The following BCAS3 variants were observed in gnomAD, a reference collection of about 807,000 sequenced individuals.
BCAS3 encodes the protein BCAS3 microtubule associated cell migration factor.
A neutral mutation model predicts 116.1 loss-of-function variants in BCAS3; 53 were observed. The ratio of observed to expected loss-of-function variants is 0.46; its 90% CI spans 0.37 to 0.57. BCAS3 has a LOEUF of 0.57. Among genes scored for constraint, BCAS3 ranks in the 20% least tolerant of loss-of-function variants. BCAS3 has a pLI of 0.00. For synonymous variants in BCAS3, 391 were observed against 408.2 expected, an observed-to-expected ratio of 0.96 and a Z score of 0.51; for missense variants, 917 against 1,165.4, an observed-to-expected ratio of 0.79 and a Z score of 3.10.
intron 10 of BCAS3, among the ~76,000 whole-genome samples, chr17:60,892,537 A>G (rs544924398): frequency 1.7e-4 from 26 of 151,998 alleles, no homozygotes; most frequent in African/African-American, 5.5e-4. Context: ...TTGAACTCCC[A>G]ATTTCAGGTC....
intron 5 of BCAS3, among the ~76,000 whole-genome samples, chr17:60,710,501 G>A (rs937251343): frequency 2.7e-5 from 4 of 147,786 alleles, no homozygotes; most frequent in South Asian, 2.1e-4. Context: ...GCGCAATCTC[G>A]GCTCACTGCA....
intron 7 of BCAS3, among the ~76,000 whole-genome samples, chr17:60,848,721 C>T (rs1300720030): frequency 6.7e-6 from 1 of 150,174 alleles, no homozygotes; most frequent in African/African-American, 2.5e-5. Context: ...TTTTTTAAGT[C>T]AGGGTCTTGC....
chr17:60,802,283 CAAA>C lies in BCAS3; in HGVS notation c.404-5710_404-5708del, dbSNP rs1174016996. Among the ~76,000 whole-genome samples, 485 of 107,914 alleles carry C rather than the reference CAAA, an allele frequency of 4.5e-3. 3 individuals are homozygous for C. The highest frequency in any genetic ancestry group is 0.017 in the African/African-American group (457 of 26,412). The allele number at this position is 107,914 out of a possible 152,430, so 70.8% of individuals were successfully genotyped here. A position where few individuals can be genotyped will look rare whatever the true frequency, so the allele number is the denominator to read the frequency against. The stretch of plus-strand genomic sequence containing the variant: ...TGTGCAACAGAGTGAGACTCTGTCT[CAAA>C]AAAAAAAAAATATATATATATATAT... On this transcript the variant is annotated intron_variant, in intron 6 of 23. Transcript: ENST00000407086.
intron 17 of BCAS3, among the ~76,000 whole-genome samples, chr17:61,036,762 G>A (rs2067066646): frequency 6.6e-6 from 1 of 152,124 alleles, no homozygotes; most frequent in South Asian, 2.1e-4. Context: ...TCCTTATAAA[G>A]TCAGTTGATT....
intron 13 of BCAS3, among the ~76,000 whole-genome samples, chr17:60,926,640 T>A (rs374834371): frequency 3.3e-5 from 5 of 152,160 alleles, no homozygotes; most frequent in East Asian, 1.9e-4. Flanking sequence ...CTTGTAGCAC[T>A]CCACTTGGAA....
At chr17:61,006,372 A>G (rs2145496636) in intron 15 of BCAS3, among the ~76,000 whole-genome samples, 1 of 152,224 alleles carries the variant, frequency 6.6e-6, no homozygotes, top group South Asian at 2.1e-4. Flanking sequence ...ATCTTCCTAC[A>G]AAGTGTTTAT....
Position 61,309,538 on chromosome 17 carries a change from C to G in BCAS3, c.2426-58789C>G, listed in dbSNP as rs980840007. On this transcript the variant is annotated intron_variant, in intron 22 of 23. Coordinates refer to ENST00000407086, the MANE Select transcript of BCAS3 (RefSeq NM_017679.5). The surrounding 1 kb of genome is among the most constrained non-coding windows in gnomAD (Gnocchi z 4.6). ...CCCTGCCTCACTTGCCCTCTACTTC[C>G]CAGCTTCACCATAGCTGGGAAGAAT... Among the ~76,000 whole-genome samples, 2 of 152,156 alleles carry G rather than the reference C, an allele frequency of 1.3e-5. No homozygotes were observed. The highest frequency in any genetic ancestry group is 4.8e-5 in the African/African-American group (2 of 41,442).
intron 22 of BCAS3, among the ~76,000 whole-genome samples, chr17:61,110,156 C>T (rs2074959840): frequency 6.6e-6 from 1 of 152,208 alleles, no homozygotes; most frequent in Non-Finnish European, 1.5e-5. Flanking sequence ...CAGTTTCATT[C>T]TTCTACATGT....
At chr17:60,704,187 A>C (rs984480059) in intron 4 of BCAS3, among the ~76,000 whole-genome samples, 3 of 152,174 alleles carry the variant, frequency 2.0e-5, no homozygotes, top group Admixed American at 2.0e-4. Flanking sequence ...ATTGAGGAGA[A>C]AGGTTATCTG....
intron 22 of BCAS3, among the ~76,000 whole-genome samples, chr17:61,230,245 T>C (rs1374125741): frequency 1.3e-5 from 2 of 152,206 alleles, no homozygotes; most frequent in African/African-American, 4.8e-5. Flanking sequence ...AAATTACTTT[T>C]TTCATAAAAT....
rs957088439 is a variant in BCAS3 at position 61,130,442 on chromosome 17, TG to T, written c.2425+45881del. On this transcript the variant is annotated intron_variant, in intron 22 of 23. Coordinates refer to ENST00000407086, the MANE Select transcript of BCAS3 (RefSeq NM_017679.5). The surrounding 1 kb of genome is among the most constrained non-coding windows in gnomAD (Gnocchi z 5.0). Reference sequence around the variant, plus strand: ...AACCGATTCTTAATTACCTCTTGCCTGGGACACTGCAGAAGTAACCAAATCG... The same window carrying T: ...AACCGATTCTTAATTACCTCTTGCCTGGACACTGCAGAAGTAACCAAATCG... Among the ~76,000 whole-genome samples the T allele has an allele frequency of 1.6e-4, 24 of 152,312 alleles. No homozygotes were observed. Among genetic ancestry groups the T allele is most frequent in the African/African-American group, 5.5e-4 (23 of 41,570 alleles).
intron 14 of BCAS3, among the ~76,000 whole-genome samples, chr17:60,955,328 T>C (rs1240784241): frequency 6.6e-6 from 1 of 151,984 alleles, no homozygotes; most frequent in Non-Finnish European, 1.5e-5. Flanking sequence ...TGAAAGTCCA[T>C]TTTGGTTTCA....
intron 6 of BCAS3, among the ~76,000 whole-genome samples, chr17:60,770,174 G>A (rs8065430): frequency 0.27 from 41,665 of 151,954 alleles, 11,419 homozygotes; most frequent in African/African-American, 0.71. Flanking sequence ...TGTGCAGTCT[G>A]TAGTCAGTTC....
chr17:60,825,505 A>T, intron 7 of BCAS3, among the ~76,000 whole-genome samples: 1 of 142,874 alleles, frequency 7.0e-6, no homozygotes, highest in Admixed American at 7.0e-5. Flanking sequence ...AATAATAATT[A>T]TTTATAATAA....
chr17:61,251,979 A>T lies in BCAS3; in HGVS notation c.2426-116348A>T, dbSNP rs1030156355. Reference sequence around the variant, plus strand: ...GTTTAGAAGAAAAAGAGAGAAAAGGATAAAGAAAAAAACTAATAAAAATAG... The same window carrying T: ...GTTTAGAAGAAAAAGAGAGAAAAGGTTAAAGAAAAAAACTAATAAAAATAG... On this transcript the variant is annotated intron_variant, in intron 22 of 23. Coordinates refer to ENST00000407086, the MANE Select transcript of BCAS3 (RefSeq NM_017679.5). The surrounding 1 kb of genome is among the most constrained non-coding windows in gnomAD (Gnocchi z 4.7). Among the ~76,000 whole-genome samples, 22 of 152,232 alleles carry T rather than the reference A, an allele frequency of 1.4e-4. No homozygotes were observed. The highest frequency in any genetic ancestry group is 5.9e-5 in the Non-Finnish European group (4 of 68,030).
At position 61,233,358 on chromosome 17, in the gene BCAS3, G is replaced by A. The variant is rs1391406442; in HGVS notation, c.2426-134969G>A. 1.3e-5 allele frequency among the ~76,000 whole-genome samples: 2 copies of A among 152,288 alleles called. No individual in the cohort carries two copies. Among genetic ancestry groups the A allele is most frequent in the East Asian group, 3.9e-4 (2 of 5,180 alleles). ...CTGCCCAGAACACTCTGTGGCTAAT[G>A]GCTTTTGCAGAAGTGATTCTACAAC... On this transcript the variant is annotated intron_variant, in intron 22 of 23. Coordinates refer to ENST00000407086, the MANE Select transcript of BCAS3 (RefSeq NM_017679.5). The surrounding 1 kb of genome is among the most constrained non-coding windows in gnomAD (Gnocchi z 4.3).
chr17:60,808,198 G>A (rs186171820), intron 7 of BCAS3, 122 bp downstream of exon 7: 3 of 686,990 alleles, frequency 4.4e-6, no homozygotes, highest in Admixed American at 2.7e-5. Flanking sequence ...GAGAGAAGAA[G>A]AAGAAAGTAA....
Position 61,103,080 on chromosome 17 carries a change from A to T in BCAS3, c.2425+18516A>T, listed in dbSNP as rs558047060. 5.9e-5 allele frequency among the ~76,000 whole-genome samples: 9 copies of T among 152,252 alleles called. No homozygotes were observed. The South Asian group carries it at 1.9e-3, about 32-fold the overall frequency. The stretch of plus-strand genomic sequence containing the variant: ...AGCTATAATGTGCTTTGGTATGAAG[A>T]TATATTCCAATAACAGATTATATTC... On this transcript the variant is annotated intron_variant, in intron 22 of 23. Coordinates refer to ENST00000407086, the MANE Select transcript of BCAS3 (RefSeq NM_017679.5).
At chr17:60,859,530 CTTT>C (rs899629278) in intron 7 of BCAS3, among the ~76,000 whole-genome samples, 48 of 151,332 alleles carry the variant, frequency 3.2e-4, no homozygotes, top group African/African-American at 1.2e-3. Flanking sequence ...CGATTTTGTT[CTTT>C]TTTATGCTGT....
Sources: gnomAD v4.1 joint callset for allele counts (sites outside exome capture counted in the v4.1 genomes callset) on GRCh38, gnomAD v4.1.1 for gene constraint, Gnocchi (gnomAD v3.1) non-coding constraint, MANE v1.5 for transcripts, NCBI Gene and HGNC (gene_info 2026-07-23, HGNC 2026-07-21) for gene names.